The following SCHIP1 variants were observed in gnomAD, a reference collection of about 807,000 sequenced individuals.
The protein encoded by SCHIP1 is schwannomin-interacting protein 1.
SCHIP1 carries 8 observed loss-of-function variants against 29.7 expected under a neutral mutation model. The ratio of observed to expected loss-of-function variants is 0.27; its 90% CI spans 0.16 to 0.49. The LOEUF (loss-of-function observed/expected upper bound fraction) is 0.49, where lower values mean the gene tolerates loss of function less well. SCHIP1 is among the 20% of genes least tolerant of loss of function. SCHIP1 has a pLI of 0.99. For missense variants in SCHIP1, 193 were observed against 294.6 expected (o/e 0.66, Z 2.52); for synonymous variants, 76 against 94.9 (o/e 0.80, Z 1.16).
the SCHIP1 span, among the ~76,000 whole-genome samples, chr3:159,355,521 A>AAAT: frequency 2.1e-4 from 32 of 152,296 alleles, no homozygotes; most frequent in African/African-American, 7.5e-4. Context: ...AGAAATCTGA[A>AAAT]AATTGATTTC....
chr3:159,789,207 G>C, the SCHIP1 span, among the ~76,000 whole-genome samples: 1 of 152,080 alleles, frequency 6.6e-6, no homozygotes, highest in African/African-American at 2.4e-5. Flanking sequence ...AGGCCAGCAG[G>C]CTGGAAATTC....
At chr3:159,561,929 C>T in the SCHIP1 span, among the ~76,000 whole-genome samples, 1 of 152,062 alleles carries the variant, frequency 6.6e-6, no homozygotes, top group Non-Finnish European at 1.5e-5. Context: ...TAATTGTTTC[C>T]TTAGAGTAAA....
At chr3:159,614,451 T>G in the SCHIP1 span, among the ~76,000 whole-genome samples, 3 of 152,208 alleles carry the variant, frequency 2.0e-5, no homozygotes, top group African/African-American at 7.2e-5. Flanking sequence ...TAGGTTAATG[T>G]CCTTATCTTG....
intron 4 of SCHIP1, 68 bp from the exon 6 acceptor site, chr3:159,888,752 T>C: frequency 6.4e-7 from 1 of 1,571,984 alleles, no homozygotes; most frequent in Non-Finnish European, 8.6e-7. Context: ...AAGAGAAAAC[T>C]GGGTCTTAAC....
chr3:159,310,643 A>G, the SCHIP1 span, among the ~76,000 whole-genome samples: 1 of 152,164 alleles, frequency 6.6e-6, no homozygotes, highest in East Asian at 1.9e-4. Flanking sequence ...TAAAATGATA[A>G]CACAATGAAT....
chr3:159,542,745 C>A, the SCHIP1 span, among the ~76,000 whole-genome samples: 1 of 151,918 alleles, frequency 6.6e-6, no homozygotes, highest in Admixed American at 6.6e-5. Flanking sequence ...TCTGAACCTG[C>A]CATTTGAGAG....
the SCHIP1 span, among the ~76,000 whole-genome samples, chr3:159,499,818 C>T: frequency 6.6e-6 from 1 of 152,194 alleles, no homozygotes; most frequent in African/African-American, 2.4e-5. Flanking sequence ...GGTATCACTA[C>T]ACCCATTTTA....
At chr3:159,427,191 T>A in the SCHIP1 span, among the ~76,000 whole-genome samples, 4 of 151,780 alleles carry the variant, frequency 2.6e-5, no homozygotes, top group African/African-American at 9.7e-5. Flanking sequence ...TGTTGGAAGT[T>A]CTGGCCAGGG....
the SCHIP1 span, among the ~76,000 whole-genome samples, chr3:159,602,018 T>G: frequency 6.6e-6 from 1 of 152,214 alleles, no homozygotes; most frequent in Non-Finnish European, 1.5e-5. Context: ...AAGTTCCTTG[T>G]CTGGTTCAAT....
chr3:159,694,988 C>A, the SCHIP1 span, among the ~76,000 whole-genome samples: 1 of 152,190 alleles, frequency 6.6e-6, no homozygotes, highest in Admixed American at 6.5e-5. Context: ...CCATGGAAGA[C>A]AAGCTCCACC....
chr3:159,796,161 A>G, the SCHIP1 span, among the ~76,000 whole-genome samples: 1 of 152,202 alleles, frequency 6.6e-6, no homozygotes, highest in African/African-American at 2.4e-5. Context: ...CACAGTGTAG[A>G]AGATGGAATG....
At chr3:159,490,955 C>T in the SCHIP1 span, among the ~76,000 whole-genome samples, 4 of 152,140 alleles carry the variant, frequency 2.6e-5, no homozygotes, top group Non-Finnish European at 5.9e-5. Context: ...GCTTGAGTTT[C>T]ACCTTTAAAG....
chr3:159,855,276 C>A (rs1443422811), intron 1 of SCHIP1, among the ~76,000 whole-genome samples: 2 of 151,960 alleles, frequency 1.3e-5, no homozygotes, highest in Non-Finnish European at 2.9e-5. Context: ...TTTTTTAAAC[C>A]CACTCTTTGT....
chr3:159,715,796 G>A, the SCHIP1 span, among the ~76,000 whole-genome samples: 1 of 152,150 alleles, frequency 6.6e-6, no homozygotes, highest in Non-Finnish European at 1.5e-5. Flanking sequence ...GAAAGTGATG[G>A]GGAGAATGGA....
At chr3:159,874,146 G>A (rs545298018) in intron 2 of SCHIP1, among the ~76,000 whole-genome samples, 57 of 152,212 alleles carry the variant, frequency 3.7e-4, no homozygotes, top group Admixed American at 5.2e-4. Context: ...GAGTAACCAC[G>A]AAATAAATTT....
chr3:159,559,393 C>A, the SCHIP1 span, among the ~76,000 whole-genome samples: 1 of 152,160 alleles, frequency 6.6e-6, no homozygotes, highest in Non-Finnish European at 1.5e-5. Flanking sequence ...ATGTATCCAC[C>A]ATCTGAATTA....
At chr3:159,805,712 G>A in the SCHIP1 span, among the ~76,000 whole-genome samples, 7 of 151,892 alleles carry the variant, frequency 4.6e-5, no homozygotes, top group African/African-American at 1.4e-4. Flanking sequence ...ATGAGTAAAC[G>A]AAAGACCCAA....
the SCHIP1 span, among the ~76,000 whole-genome samples, chr3:159,629,930 A>G: frequency 6.6e-6 from 1 of 152,170 alleles, no homozygotes; most frequent in Admixed American, 6.5e-5. Flanking sequence ...GCAAGACACT[A>G]TTATAAGTGG....
chr3:159,759,876 T>G, the SCHIP1 span, among the ~76,000 whole-genome samples: 2 of 152,340 alleles, frequency 1.3e-5, no homozygotes, highest in Non-Finnish European at 2.9e-5. Context: ...TTCCTGTCTA[T>G]TCATACTCTT....
Sources: allele counts gnomAD v4.1 joint callset (sites outside exome capture counted in the v4.1 genomes callset), GRCh38; gene constraint gnomAD v4.1.1; transcripts MANE v1.5; gene names NCBI Gene and HGNC (gene_info 2026-07-23, HGNC 2026-07-21).